GRM3: variants seen among roughly 807,000 people sequenced by gnomAD.
GRM3 encodes glutamate metabotropic receptor 3, also known as metabotropic glutamate receptor 3.
Under a neutral mutation model 70.5 loss-of-function variants are expected in GRM3, and 26 were observed. The ratio of observed to expected loss-of-function variants is 0.37; its 90% confidence interval spans 0.27 to 0.51. GRM3 has a LOEUF of 0.51. Among genes scored for constraint, GRM3 ranks in the 20% least tolerant of loss-of-function variants. GRM3 has a pLI of 0.93. For synonymous variants in GRM3, 443 were observed against 434.9 expected, an observed-to-expected ratio of 1.02 and a Z score of -0.23; for missense variants, 859 against 1,123.8, an observed-to-expected ratio of 0.76 and a Z score of 3.37.
At chr7:86,842,426 C>T (rs1012054607) in intron 4 of GRM3, among the ~76,000 whole-genome samples, 22 of 152,284 alleles carry the variant, frequency 1.4e-4, no homozygotes, top group African/African-American at 5.1e-4. Context: ...AGACAGAGCA[C>T]TCTTATTCCT....
chr7:86,749,729 A>G (rs1796186216), intron 1 of GRM3, among the ~76,000 whole-genome samples: 1 of 152,082 alleles, frequency 6.6e-6, no homozygotes, highest in Non-Finnish European at 1.5e-5. Context: ...AGCCAACACA[A>G]ATATGTTCTA....
chr7:86,700,454 C>T (rs533550816), intron 1 of GRM3, among the ~76,000 whole-genome samples: 9 of 151,950 alleles, frequency 5.9e-5, no homozygotes, highest in East Asian at 1.9e-4. Context: ...TTCAAATTCT[C>T]GGAAGAAGCC....
At chr7:86,672,270 T>C (rs1455678173) in intron 1 of GRM3, among the ~76,000 whole-genome samples, 1 of 152,176 alleles carries the variant, frequency 6.6e-6, no homozygotes, top group Non-Finnish European at 1.5e-5. Flanking sequence ...AACTAGCATC[T>C]TATCTTTTCC....
intron 1 of GRM3, among the ~76,000 whole-genome samples, chr7:86,757,609 C>T (rs897725949): frequency 1.3e-5 from 2 of 152,166 alleles, no homozygotes; most frequent in African/African-American, 4.8e-5. Context: ...CCCACCAACT[C>T]CATGCAGCTC....
chr7:86,765,610 A>G lies in GRM3; in HGVS notation c.465A>G (p.Ile155Met). Residue 155 changes from isoleucine to methionine, a missense_variant, in exon 2 of 6, where the codon ATA (isoleucine) becomes ATG (methionine). Coordinates refer to ENST00000361669, the MANE Select transcript of GRM3 (RefSeq NM_000840.3). Reference protein sequence around the residue: ...VIGGSYSSVSIQVANLLRLFQ... With the variant: ...VIGGSYSSVSMQVANLLRLFQ... ...GTGGCTCTTATAGCAGTGTTTCCAT[A>G]CAGGTAAGATTGGCTAATGCTATTG... The G allele has an allele frequency of 6.2e-7, 1 of 1,611,442 alleles. No individual in the cohort carries two copies. The highest frequency in any genetic ancestry group is 8.5e-7 in the Non-Finnish European group (1 of 1,177,992).
At chr7:86,700,943 A>G (rs2116095786) in intron 1 of GRM3, among the ~76,000 whole-genome samples, 1 of 152,030 alleles carries the variant, frequency 6.6e-6, no homozygotes, top group East Asian at 1.9e-4. Context: ...AGATTAATTG[A>G]TGTTCATTGT....
chr7:86,749,301 C>T (rs550811081), intron 1 of GRM3, among the ~76,000 whole-genome samples: 77 of 152,110 alleles, frequency 5.1e-4, no homozygotes, highest in African/African-American at 1.8e-3. Context: ...GCAGCCCTCC[C>T]GTGGTGAAAT....
At chr7:86,791,812 G>A (rs1797426586) in intron 3 of GRM3, among the ~76,000 whole-genome samples, 1 of 152,198 alleles carries the variant, frequency 6.6e-6, no homozygotes, top group Non-Finnish European at 1.5e-5. Flanking sequence ...TTGACACAAA[G>A]GTGGTTCATC....
At chr7:86,707,556 G>A (rs1385612609) in intron 1 of GRM3, among the ~76,000 whole-genome samples, 4 of 152,050 alleles carry the variant, frequency 2.6e-5, no homozygotes, top group African/African-American at 9.7e-5. Flanking sequence ...CAATGGGGAT[G>A]ATGATAATAA....
intron 4 of GRM3, among the ~76,000 whole-genome samples, chr7:86,845,174 G>T (rs149271348): frequency 6.6e-6 from 1 of 152,116 alleles, no homozygotes; most frequent in Non-Finnish European, 1.5e-5. Context: ...ACTGATGAGA[G>T]CCACTGCACC....
At chr7:86,745,167 G>A (rs1213280808) in intron 1 of GRM3, among the ~76,000 whole-genome samples, 4 of 152,066 alleles carry the variant, frequency 2.6e-5, no homozygotes, top group Non-Finnish European at 5.9e-5. Flanking sequence ...AAATGTCTGG[G>A]CGTTTGGCCA....
chr7:86,805,323 G>A (rs896107803), intron 3 of GRM3, among the ~76,000 whole-genome samples: 1 of 151,820 alleles, frequency 6.6e-6, no homozygotes, highest in African/African-American at 2.4e-5. Context: ...ACATTAAATG[G>A]AAAATACAGA....
At chr7:86,697,917 T>C (rs115635664) in intron 1 of GRM3, among the ~76,000 whole-genome samples, 4,002 of 152,206 alleles carry the variant, frequency 0.026, 148 homozygotes, top group African/African-American at 0.092. Flanking sequence ...ACTTTATCTC[T>C]GTCTTCTCAT....
chr7:86,757,780 T>C (rs555810302), intron 1 of GRM3, among the ~76,000 whole-genome samples: 31 of 152,308 alleles, frequency 2.0e-4, no homozygotes, highest in African/African-American at 6.5e-4. Context: ...CTCATGTGTT[T>C]TTTTTTCTGT....
chr7:86,730,282 T>C (rs1220173890), intron 1 of GRM3, among the ~76,000 whole-genome samples: 1 of 151,796 alleles, frequency 6.6e-6, no homozygotes, highest in Non-Finnish European at 1.5e-5. Flanking sequence ...TAGCTGAACA[T>C]GGTGGCACAT....
intron 1 of GRM3, among the ~76,000 whole-genome samples, chr7:86,757,158 T>G (rs137904951): frequency 6.6e-6 from 1 of 152,214 alleles, no homozygotes; most frequent in South Asian, 2.1e-4. Context: ...ATTTCAGGTC[T>G]TATTTCAAAT....
At chr7:86,740,485 T>C (rs1795960953) in intron 1 of GRM3, among the ~76,000 whole-genome samples, 1 of 152,134 alleles carries the variant, frequency 6.6e-6, no homozygotes, top group Non-Finnish European at 1.5e-5. Flanking sequence ...AAAGAGCAAG[T>C]CTGGCTACCA....
At chr7:86,720,265 G>T (rs1355674238) in intron 1 of GRM3, among the ~76,000 whole-genome samples, 1 of 151,970 alleles carries the variant, frequency 6.6e-6, no homozygotes, top group African/African-American at 2.4e-5. Flanking sequence ...AATCTGGCAG[G>T]ACACTGAGAT....
chr7:86,785,336 C>T (rs1562862751), intron 2 of GRM3, among the ~76,000 whole-genome samples: 1 of 152,216 alleles, frequency 6.6e-6, no homozygotes, highest in East Asian at 1.9e-4. Flanking sequence ...ATACTGTATG[C>T]ATAAAATGCT....
Sources: allele counts gnomAD v4.1 joint callset (sites outside exome capture counted in the v4.1 genomes callset), GRCh38; gene constraint gnomAD v4.1.1; transcripts MANE v1.5; gene names NCBI Gene and HGNC (gene_info 2026-07-23, HGNC 2026-07-21).